MLLT1: variants seen among roughly 807,000 people sequenced by gnomAD.
MLLT1 encodes the protein MLLT1 super elongation complex subunit, also known as protein ENL.
In MLLT1, 11 loss-of-function variants were observed where a neutral mutation model predicts 55.1. The ratio of observed to expected loss-of-function variants is 0.20; its 90% confidence interval spans 0.13 to 0.33. MLLT1 has a LOEUF of 0.33. Ranked by LOEUF, MLLT1 falls within the 10% of genes least tolerant of loss-of-function variation. The pLI, the probability that MLLT1 is intolerant of heterozygous loss-of-function variation, is 1.00. For missense variants in MLLT1, 536 were observed against 760.6 expected, an observed-to-expected ratio of 0.70 and a Z score of 3.47; for synonymous variants, 323 against 320.1, an observed-to-expected ratio of 1.01 and a Z score of -0.10.
chr19:6,240,157 T>G lies in MLLT1; in HGVS notation c.277-9444A>C, dbSNP rs1016735577. Among the ~76,000 whole-genome samples the G allele has an allele frequency of 6.6e-6, 1 of 152,110 alleles. No individual in the cohort carries two copies. The highest frequency in any genetic ancestry group is 1.5e-5 in the Non-Finnish European group (1 of 68,016). ...GCTGGGAGGACAGTGTGGGCAGCAT[T>G]AGCCCAGGCCCCTTCACGCCTGCCT... On this transcript the variant is annotated intron_variant, in intron 3 of 11. Transcript: ENST00000252674. This position sits in a 1 kb window ranked among gnomAD's most constrained non-coding sequence, Gnocchi z 4.7.
At chr19:6,242,084 T>C (rs1202977670) in intron 3 of MLLT1, among the ~76,000 whole-genome samples, 1 of 152,040 alleles carries the variant, frequency 6.6e-6, no homozygotes, top group Non-Finnish European at 1.5e-5. Flanking sequence ...GAGAAGACAA[T>C]GGGGGCTCAG....
rs1343947733 is a variant in MLLT1, at chr19:6,232,290, A to AT, written c.277-1578dup. 5.3e-5 allele frequency among the ~76,000 whole-genome samples: 8 copies of AT among 152,320 alleles called. No individual in the cohort carries two copies. In the East Asian group the frequency reaches 1.2e-3, roughly 22 times the overall value. On this transcript the variant is annotated intron_variant, in intron 3 of 11. Transcript: ENST00000252674. ...CAAACATGCAGGCTCATGTCCTAAC[A>AT]TTATGGGCAGCTGGTGCTTGACAAG...
rs2144887345 is a variant in MLLT1, at chr19:6,235,601, T to A, written c.277-4888A>T. 6.6e-6 allele frequency among the ~76,000 whole-genome samples: 1 copy of A among 152,080 alleles called. No homozygotes were observed. The highest frequency in any genetic ancestry group is 1.9e-4 in the East Asian group (1 of 5,150). On this transcript the variant is annotated intron_variant, in intron 3 of 11. Transcript: ENST00000252674. The surrounding 1 kb of genome is among the most constrained non-coding windows in gnomAD (Gnocchi z 5.5). ...GAACTGGGTCCTCTCCTCTCCACAC[T>A]CCTGGCCACAGCTGTGCACCCTGGC...
rs532226699 is a variant in MLLT1, at chr19:6,212,415, C to A, written c.*627G>T. Reference sequence around the variant, plus strand: ...TACAAGCCCCACCGTACGCACCCCCCACCCACCCCACGTGCACTGCTGCCA... The same window carrying A: ...TACAAGCCCCACCGTACGCACCCCCAACCCACCCCACGTGCACTGCTGCCA... On this transcript the variant is annotated 3_prime_UTR_variant, in exon 12 of 12. Coordinates refer to ENST00000252674, the MANE Select transcript of MLLT1 (RefSeq NM_005934.4). The A allele has an allele frequency of 2.6e-4, 278 of 1,058,114 alleles. No homozygotes were observed. The highest frequency in any genetic ancestry group is 4.8e-4 in the Admixed American group (9 of 18,784). 65.5% of individuals were successfully genotyped at this position (1,058,114 alleles called of 1,614,324 possible). A position where few individuals can be genotyped will look rare whatever the true frequency, so the allele number is the denominator to read the frequency against.
At chr19:6,261,482 C>T (rs2091305469) in intron 3 of MLLT1, among the ~76,000 whole-genome samples, 1 of 152,132 alleles carries the variant, frequency 6.6e-6, no homozygotes, top group Admixed American at 6.5e-5. Context: ...CCCAGGGACA[C>T]CTCCTTCCCC....
rs113551045 is a variant in MLLT1, at chr19:6,274,221, C to T, written c.13-3462G>A. Among the ~76,000 whole-genome samples the T allele has an allele frequency of 3.3e-3, 498 of 152,370 alleles. 2 individuals carry two copies. The highest frequency in any genetic ancestry group is 0.011 in the African/African-American group (473 of 41,588). ...CCGGAAGGGTGGAATAACAGAGTCT[C>T]TGCTGTTGTAGTAAAAAAGGAATCA... On this transcript the variant is annotated intron_variant, in intron 1 of 11. Coordinates refer to ENST00000252674, the MANE Select transcript of MLLT1 (RefSeq NM_005934.4).
chr19:6,236,169 CG>C (rs532079689), intron 3 of MLLT1, among the ~76,000 whole-genome samples: 37 of 152,284 alleles, frequency 2.4e-4, no homozygotes, highest in African/African-American at 8.9e-4. Context: ...TCTAATCTTA[CG>C]GATAGTCAGA....
intron 1 of MLLT1, among the ~76,000 whole-genome samples, chr19:6,274,473 G>A (rs760126326): frequency 3.9e-5 from 6 of 152,188 alleles, no homozygotes; most frequent in Non-Finnish European, 7.3e-5. Context: ...AGGGTGCCTG[G>A]CTGCAGAGGT....
At position 6,222,253 on chromosome 19, in the gene MLLT1, G is replaced by T. The variant is rs1240851872; in HGVS notation, c.978C>A (p.Asp326Glu). The change falls in exon 6 of 12, where the codon GAC (aspartate) becomes GAA (glutamate). Residue 326 changes from aspartate to glutamate, a missense_variant. Coordinates refer to ENST00000252674, the MANE Select transcript of MLLT1 (RefSeq NM_005934.4). This position sits in a 1 kb window ranked among gnomAD's most constrained non-coding sequence, Gnocchi z 4.1. ...PRTSSSSSFS[D>E]KKPAKDKSST... The stretch of plus-strand genomic sequence containing the variant: ...TGCTCTTGTCCTTGGCCGGCTTCTT[G>T]TCCGAGAAGGAGGAGGAGGAGGAGG... 5 of 1,612,976 alleles carry T rather than the reference G, an allele frequency of 3.1e-6. No individual in the cohort carries two copies. In the Admixed American group the frequency reaches 8.3e-5, roughly 27 times the overall value.
At chr19:6,278,298 G>A (rs1229049262) in intron 1 of MLLT1, among the ~76,000 whole-genome samples, 1 of 152,168 alleles carries the variant, frequency 6.6e-6, no homozygotes, top group East Asian at 1.9e-4. Context: ...TGAGGAAGAG[G>A]GGTAGGGGCT....
rs550084591 is a variant in MLLT1, at chr19:6,224,423, A to G, written c.547-1739T>C. Among the ~76,000 whole-genome samples the G allele has an allele frequency of 1.2e-4, 19 of 152,324 alleles. No individual in the cohort carries two copies. In the East Asian group the frequency reaches 3.5e-3, roughly 28 times the overall value. On this transcript the variant is annotated intron_variant, in intron 5 of 11. Coordinates refer to ENST00000252674, the MANE Select transcript of MLLT1 (RefSeq NM_005934.4). Reference sequence around the variant, plus strand: ...GTGCTCCACAGCAAGCTACTACCCAAGGAGGGAGGTGTGAGAGACTGCAAT... The same window carrying G: ...GTGCTCCACAGCAAGCTACTACCCAGGGAGGGAGGTGTGAGAGACTGCAAT...
chr19:6,216,174 T>TG (rs1297726051), intron 8 of MLLT1, among the ~76,000 whole-genome samples: 3 of 152,050 alleles, frequency 2.0e-5, no homozygotes, highest in Non-Finnish European at 4.4e-5. Context: ...AGGCCCCAGA[T>TG]GGGGGCAGCC....
chr19:6,272,352 C>T (rs1006369442), intron 1 of MLLT1, among the ~76,000 whole-genome samples: 10 of 152,202 alleles, frequency 6.6e-5, no homozygotes, highest in African/African-American at 2.2e-4. Flanking sequence ...CACATTCCAG[C>T]TCAATCCTAC....
chr19:6,247,582 A>C (rs1364894557), intron 3 of MLLT1, among the ~76,000 whole-genome samples: 1 of 152,180 alleles, frequency 6.6e-6, no homozygotes, highest in Non-Finnish European at 1.5e-5. Flanking sequence ...TTACTGAAAA[A>C]TTCCAGTTAA....
At chr19:6,216,613 G>A (rs1568274798) in intron 7 of MLLT1, 100 bp from the exon 8 acceptor site, 2 of 803,558 alleles carry the variant, frequency 2.5e-6, no homozygotes, top group East Asian at 5.4e-5. Context: ...TCTTGACACT[G>A]GTGACCCCCA....
intron 5 of MLLT1, among the ~76,000 whole-genome samples, chr19:6,223,300 C>T (rs895183567): frequency 2.0e-5 from 3 of 152,196 alleles, no homozygotes; most frequent in East Asian, 3.9e-4. Context: ...TCCCAGGTAC[C>T]GCACGGAGCA....
At position 6,264,502 on chromosome 19, in the gene MLLT1, G is replaced by A. The variant is rs144155381; in HGVS notation, c.194-2192C>T. On this transcript the variant is annotated intron_variant, in intron 2 of 11. Transcript: ENST00000252674. ...AGCCCGAGCAAACAAATAATTTGGA[G>A]ACCACAGAGAGTTTGACAAAAAGAA... Among the ~76,000 whole-genome samples the A allele has an allele frequency of 2.9e-3, 445 of 151,950 alleles. 3 individuals are homozygous for A. In the East Asian group the frequency reaches 0.042, roughly 14 times the overall value.
intron 7 of MLLT1, among the ~76,000 whole-genome samples, chr19:6,217,684 C>A (rs929527473): frequency 1.3e-5 from 2 of 152,182 alleles, no homozygotes; most frequent in African/African-American, 2.4e-5. Context: ...AGGGCCCTCA[C>A]CAGAAGCCCC....
chr19:6,278,083 C>A (rs1451751789), intron 1 of MLLT1, among the ~76,000 whole-genome samples: 1 of 151,924 alleles, frequency 6.6e-6, no homozygotes, highest in African/African-American at 2.4e-5. Flanking sequence ...TCTTGCCCCC[C>A]ACCCATGAAA....
Sources: gnomAD v4.1 joint callset for allele counts (sites outside exome capture counted in the v4.1 genomes callset) on GRCh38, gnomAD v4.1.1 for gene constraint, Gnocchi (gnomAD v3.1) non-coding constraint, MANE v1.5 for transcripts, NCBI Gene and HGNC (gene_info 2026-07-23, HGNC 2026-07-21) for gene names.